The following GRM8 variants were observed in gnomAD, a reference collection of about 807,000 sequenced individuals.
The protein encoded by GRM8 is metabotropic glutamate receptor 8.
Under a neutral mutation model 87.2 loss-of-function variants are expected in GRM8, and 47 were observed. That is an observed-to-expected ratio of 0.54 (90% CI 0.43 to 0.69). The LOEUF is 0.69. Ranked by LOEUF, GRM8 falls within the 30% of genes least tolerant of loss-of-function variation. GRM8 has a pLI of 0.00. For synonymous variants in GRM8, 396 were observed against 404.5 expected (o/e 0.98, Z 0.25); for missense variants, 1,019 against 1,139.2 (o/e 0.89, Z 1.52).
At chr7:126,448,653 C>A (rs143798745) in intron 9 of GRM8, among the ~76,000 whole-genome samples, 108 of 151,980 alleles carry the variant, frequency 7.1e-4, no homozygotes, top group Middle Eastern at 3.4e-3. Context: ...CTTCATTGGA[C>A]GCTATACTTT....
chr7:126,548,418 T>C (rs781364503), intron 8 of GRM8, among the ~76,000 whole-genome samples: 5 of 152,084 alleles, frequency 3.3e-5, no homozygotes, highest in African/African-American at 7.2e-5. Flanking sequence ...ACTTTAATTA[T>C]ATAAAAACCA....
chr7:126,615,117 C>G (rs1483817421), intron 7 of GRM8, among the ~76,000 whole-genome samples: 1 of 152,038 alleles, frequency 6.6e-6, no homozygotes, highest in Non-Finnish European at 1.5e-5. Flanking sequence ...TTAAGGGCAG[C>G]CAGAGAGAAA....
chr7:127,205,424 T>C (rs1012350996), intron 2 of GRM8, among the ~76,000 whole-genome samples: 15 of 152,220 alleles, frequency 9.9e-5, no homozygotes, highest in African/African-American at 3.6e-4. Context: ...CCAGCCAATT[T>C]GAGGGCACTA....
chr7:126,456,069 T>G (rs1803190080), intron 9 of GRM8, among the ~76,000 whole-genome samples: 1 of 151,600 alleles, frequency 6.6e-6, no homozygotes, highest in African/African-American at 2.4e-5. Context: ...AAATAAAATC[T>G]CAGTAGATGA....
chr7:126,708,628 A>C (rs1030543768), intron 7 of GRM8, among the ~76,000 whole-genome samples: 2 of 151,716 alleles, frequency 1.3e-5, no homozygotes, highest in Non-Finnish European at 2.9e-5. Context: ...TACATACAGT[A>C]GAGTACTATT....
chr7:126,677,490 A>C (rs1279075646), intron 7 of GRM8, among the ~76,000 whole-genome samples: 1 of 152,170 alleles, frequency 6.6e-6, no homozygotes, highest in Non-Finnish European at 1.5e-5. Context: ...ATAAAACGTC[A>C]TATATATACA....
intron 6 of GRM8, among the ~76,000 whole-genome samples, chr7:126,793,651 AG>A (rs1349989492): frequency 6.6e-6 from 1 of 152,244 alleles, no homozygotes; most frequent in African/African-American, 2.4e-5. Flanking sequence ...GAATAATAGT[AG>A]CCTTTTAACC....
chr7:126,498,673 G>C (rs1045613221), intron 9 of GRM8, among the ~76,000 whole-genome samples: 2 of 151,992 alleles, frequency 1.3e-5, no homozygotes, highest in African/African-American at 4.8e-5. Context: ...ATATTTTATA[G>C]CATAATTTAC....
chr7:126,970,215 G>A lies in GRM8; in HGVS notation c.728-65532C>T, dbSNP rs77083710. ...AGCTGCACTAGCACCTAACAGGAGG[G>A]TCAGCCTGTCCTGTGAAGCCAGCAT... On this transcript the variant is annotated intron_variant, in intron 3 of 10. Transcript: ENST00000339582. 5.8e-3 allele frequency among the ~76,000 whole-genome samples: 883 copies of A among 152,252 alleles called. 8 individuals are homozygous for A. The highest frequency in any genetic ancestry group is 0.011 in the Non-Finnish European group (723 of 68,000).
At chr7:126,869,933 T>TAAAAAAAAAAAAAAAAAAAAA (rs71177572) in intron 6 of GRM8, 1 of 77,256 alleles carries the variant, frequency 1.3e-5, no homozygotes, top group Non-Finnish European at 2.6e-5. Context: ...CCTCATAGAT[T>TAAAAAAAAAAAAAAAAAAAAA]AAAAAAAAAA....
At chr7:126,667,655 A>G (rs1251490416) in intron 7 of GRM8, among the ~76,000 whole-genome samples, 1 of 152,188 alleles carries the variant, frequency 6.6e-6, no homozygotes, top group Non-Finnish European at 1.5e-5. Flanking sequence ...AATGAAAAGG[A>G]AAAAGAATGA....
intron 2 of GRM8, among the ~76,000 whole-genome samples, chr7:127,127,071 A>G (rs1010345868): frequency 2.0e-5 from 3 of 152,056 alleles, no homozygotes; most frequent in South Asian, 2.1e-4. Context: ...TGACAATACC[A>G]AGTAGGGCAA....
intron 3 of GRM8, among the ~76,000 whole-genome samples, chr7:127,017,211 T>C (rs975605054): frequency 2.0e-5 from 3 of 152,078 alleles, no homozygotes; most frequent in Non-Finnish European, 2.9e-5. Context: ...TATCACAAAA[T>C]TCACGACCTA....
intron 6 of GRM8, among the ~76,000 whole-genome samples, chr7:126,846,820 T>G (rs1045720663): frequency 2.6e-5 from 4 of 152,164 alleles, no homozygotes; most frequent in African/African-American, 9.7e-5. Flanking sequence ...GAGAGCTTTA[T>G]CAATTATTGA....
intron 6 of GRM8, among the ~76,000 whole-genome samples, chr7:126,838,890 AAGGAACTATTC>A (rs1276444853): frequency 6.6e-6 from 1 of 152,174 alleles, no homozygotes; most frequent in African/African-American, 2.4e-5. Context: ...GAGGACAACT[AAGGAACTATTC>A]AGGTGTACGC....
chr7:126,602,380 T>G (rs1797882091), intron 8 of GRM8, among the ~76,000 whole-genome samples: 1 of 129,226 alleles, frequency 7.7e-6, no homozygotes, highest in African/African-American at 2.6e-5. Context: ...GCCTCCAGCT[T>G]TGTTCTTTTG....
chr7:127,158,708 A>C (rs1370758219), intron 2 of GRM8, among the ~76,000 whole-genome samples: 1 of 152,148 alleles, frequency 6.6e-6, no homozygotes, highest in African/African-American at 2.4e-5. Flanking sequence ...CACTTCCCAA[A>C]GGCCCCGCCT....
chr7:126,611,240 C>G (rs1254772081), intron 7 of GRM8, among the ~76,000 whole-genome samples: 1 of 152,156 alleles, frequency 6.6e-6, no homozygotes, highest in African/African-American at 2.4e-5. Flanking sequence ...CAAAACCTTT[C>G]TCAGCTCCTA....
chr7:126,736,224 C>T (rs1174890281), intron 7 of GRM8, among the ~76,000 whole-genome samples: 1 of 152,050 alleles, frequency 6.6e-6, no homozygotes, highest in African/African-American at 2.4e-5. Flanking sequence ...TAACTTAACA[C>T]ATACACATGT....
Sources: allele counts gnomAD v4.1 joint callset (sites outside exome capture counted in the v4.1 genomes callset), GRCh38; gene constraint gnomAD v4.1.1; transcripts MANE v1.5; gene names NCBI Gene and HGNC (gene_info 2026-07-23, HGNC 2026-07-21).